LRRC20: variants seen among roughly 807,000 people sequenced by gnomAD.
LRRC20 encodes leucine rich repeat containing 20.
A neutral mutation model predicts 14.4 loss-of-function variants in LRRC20; 11 were observed. That is an observed-to-expected ratio of 0.77 (90% CI 0.48 to 1.27). The LOEUF (loss-of-function observed/expected upper bound fraction) is 1.27. Ranked by LOEUF, LRRC20 falls within the 50% of genes most tolerant of loss-of-function variation. LRRC20 has a pLI of 0.00. For missense variants in LRRC20, 219 were observed against 251.2 expected (o/e 0.87, Z 0.87); for synonymous variants, 121 against 107.3 (o/e 1.13, Z -0.79).
chr10:70,360,274 C>T (rs10999295), intron 2 of LRRC20, among the ~76,000 whole-genome samples: 83,073 of 151,906 alleles, frequency 0.55, 23,825 homozygotes, highest in Non-Finnish European at 0.63. Context: ...CCATGCTGGT[C>T]TCAAATACCT....
At chr10:70,376,006 G>A (rs1214462166) in intron 2 of LRRC20, among the ~76,000 whole-genome samples, 1 of 152,122 alleles carries the variant, frequency 6.6e-6, no homozygotes, top group Non-Finnish European at 1.5e-5. Context: ...CAACCTCAAA[G>A]AAACCCATTT....
Position 70,372,032 on chromosome 10 carries a change from C to A in LRRC20, c.82+4420G>T, listed in dbSNP as rs546869603. Among the ~76,000 whole-genome samples, 8 of 152,176 alleles carry A rather than the reference C, an allele frequency of 5.3e-5. No homozygotes were observed. The East Asian group carries it at 1.6e-3, about 30-fold the overall frequency. On this transcript the variant is annotated intron_variant, in intron 2 of 4. Transcript: ENST00000446961. ...CAGCCCAGTCTCTACAGGGGATCTC[C>A]CACTCTGCAGCAGCACCTGTGGCTC...
intron 4 of LRRC20, among the ~76,000 whole-genome samples, chr10:70,322,860 C>T (rs1474710787): frequency 6.6e-6 from 1 of 151,942 alleles, no homozygotes; most frequent in Non-Finnish European, 1.5e-5. Context: ...CCCACCCAGC[C>T]AGGGTCAGAG....
chr10:70,362,073 T>C lies in LRRC20; in HGVS notation c.82+14379A>G, dbSNP rs554877317. On this transcript the variant is annotated intron_variant, in intron 2 of 4. Transcript: ENST00000446961. Reference sequence around the variant, plus strand: ...AGTGATACACGCCTGTAATCCCAGCTACTCAGGAGACTGAAGCACGAGAAT... The same window carrying C: ...AGTGATACACGCCTGTAATCCCAGCCACTCAGGAGACTGAAGCACGAGAAT... Among the ~76,000 whole-genome samples the C allele has an allele frequency of 2.0e-5, 3 of 152,302 alleles. No homozygotes were observed. In the East Asian group the frequency reaches 5.8e-4, roughly 29 times the overall value.
chr10:70,338,269 C>T (rs1210287216), intron 3 of LRRC20, among the ~76,000 whole-genome samples: 1 of 152,176 alleles, frequency 6.6e-6, no homozygotes, highest in Non-Finnish European at 1.5e-5. Context: ...GCCACTGTCC[C>T]TGCACTGTGT....
intron 4 of LRRC20, among the ~76,000 whole-genome samples, chr10:70,304,949 C>T (rs547339108): frequency 2.2e-4 from 34 of 152,284 alleles, no homozygotes; most frequent in African/African-American, 6.3e-4. Flanking sequence ...CTTTGGGAGG[C>T]GAAGGCAGGT....
intron 2 of LRRC20, among the ~76,000 whole-genome samples, chr10:70,369,621 A>C (rs1359767527): frequency 3.3e-5 from 5 of 150,718 alleles, no homozygotes; most frequent in East Asian, 3.9e-4. Context: ...AAAAAAAAAA[A>C]AAAAAAAAAA....
intron 2 of LRRC20, among the ~76,000 whole-genome samples, chr10:70,354,824 T>C (rs1052152057): frequency 2.6e-5 from 4 of 152,212 alleles, no homozygotes; most frequent in African/African-American, 9.7e-5. Context: ...TTCATGCTTC[T>C]GGTACTCAGA....
At chr10:70,328,828 G>A (rs551459760) in intron 3 of LRRC20, among the ~76,000 whole-genome samples, 1 of 152,274 alleles carries the variant, frequency 6.6e-6, no homozygotes, top group East Asian at 1.9e-4. Flanking sequence ...TGAGGCAGGA[G>A]AATTACCTGA....
intron 2 of LRRC20, among the ~76,000 whole-genome samples, chr10:70,343,857 C>CA (rs78560541): frequency 0.037 from 5,590 of 152,190 alleles, 162 homozygotes; most frequent in East Asian, 0.094. Context: ...AAACAAAGAG[C>CA]AAAATAAGGA....
In LRRC20 at chr10:70,304,470, T is replaced by TTTTATATATATATATATATA. The variant is rs1841329290; in HGVS notation, c.401-2963_401-2962insTATATATATATATATATAAA. 1.8e-4 allele frequency among the ~76,000 whole-genome samples: 20 copies of TTTTATATATATATATATATA among 113,820 alleles called. 1 individual carries two copies. In the South Asian group the frequency reaches 2.8e-3, roughly 16 times the overall value. The allele number at this position is 113,820 out of a possible 152,430, so 74.7% of individuals were successfully genotyped here. On this transcript the variant is annotated intron_variant, in intron 4 of 4. Coordinates refer to ENST00000446961, the MANE Select transcript of LRRC20 (RefSeq NM_001278212.2). Reference sequence around the variant, plus strand: ...GCTATATAGATATCAGGCCACTTCTTTATATATATATATATATATATATAT... The same window carrying TTTTATATATATATATATATA: ...GCTATATAGATATCAGGCCACTTCTTTTTATATATATATATATATATATATATATATATATATATATATAT...
At chr10:70,338,940 C>T (rs10999278) in intron 3 of LRRC20, among the ~76,000 whole-genome samples, 5,609 of 152,266 alleles carry the variant, frequency 0.037, 160 homozygotes, top group East Asian at 0.096. Flanking sequence ...GGATTACAGG[C>T]GTGAGCCACT....
At chr10:70,378,768 G>A (rs1156562657) in intron 1 of LRRC20, among the ~76,000 whole-genome samples, 1 of 86,300 alleles carries the variant, frequency 1.2e-5, no homozygotes, top group African/African-American at 4.7e-5. Context: ...AGTGAACCTC[G>A]CGCTCAAAAA....
At chr10:70,327,124 C>T (rs552199843) in intron 3 of LRRC20, among the ~76,000 whole-genome samples, 1 of 152,262 alleles carries the variant, frequency 6.6e-6, no homozygotes, top group East Asian at 1.9e-4. Flanking sequence ...GGGTCATGGC[C>T]GATGCGGCCG....
chr10:70,310,631 T>C (rs1457625154), intron 4 of LRRC20, among the ~76,000 whole-genome samples: 1 of 152,244 alleles, frequency 6.6e-6, no homozygotes, highest in East Asian at 1.9e-4. Context: ...GGGTGCTCCA[T>C]ATCTGTTGGA....
At position 70,353,600 on chromosome 10, in the gene LRRC20, T is replaced by C. The variant is rs142424400; in HGVS notation, c.83-12898A>G. Reference sequence around the variant, plus strand: ...GCCCAACTAATTTTTGTATTTTTAGTAGAGAAGGGGTTTCACCATGTTGGC... The same window carrying C: ...GCCCAACTAATTTTTGTATTTTTAGCAGAGAAGGGGTTTCACCATGTTGGC... On this transcript the variant is annotated intron_variant, in intron 2 of 4. Transcript: ENST00000446961. Among the ~76,000 whole-genome samples the C allele has an allele frequency of 3.4e-3, 514 of 152,138 alleles. 5 individuals are homozygous for C. Among genetic ancestry groups the C allele is most frequent in the African/African-American group, 0.012 (490 of 41,488 alleles).
chr10:70,370,811 G>A (rs895063265), intron 2 of LRRC20, among the ~76,000 whole-genome samples: 4 of 121,330 alleles, frequency 3.3e-5, no homozygotes, highest in Non-Finnish European at 5.5e-5. Context: ...CTTGAGGCCA[G>A]GAGTTTGAGA....
chr10:70,305,035 T>C (rs1841367877), intron 4 of LRRC20, among the ~76,000 whole-genome samples: 1 of 152,032 alleles, frequency 6.6e-6, no homozygotes, highest in African/African-American at 2.4e-5. Context: ...ATACAAAAAA[T>C]TAGCCGGGTG....
chr10:70,300,408 C>T lies in LRRC20; in HGVS notation c.*946G>A, dbSNP rs114546837. The T allele has an allele frequency of 5.2e-4, 517 of 985,506 alleles. 1 individual carries two copies. In the African/African-American group the frequency reaches 8.1e-3, roughly 16 times the overall value. The allele number at this position is 985,506 out of a possible 1,614,324, so 61.0% of individuals were successfully genotyped here. ...AGAACCAGGTCATCAGGGCTTTGGG[C>T]GTTGGCCTGGGAGCTGGCTGGCTAC... On this transcript the variant is annotated 3_prime_UTR_variant, in exon 5 of 5. Transcript: ENST00000446961.
Sources: gnomAD v4.1 joint callset for allele counts (sites outside exome capture counted in the v4.1 genomes callset) on GRCh38, gnomAD v4.1.1 for gene constraint, MANE v1.5 for transcripts, NCBI Gene and HGNC (gene_info 2026-07-23, HGNC 2026-07-21) for gene names.